Variants in OR56A3 observed in about 807,000 individuals in gnomAD.
OR56A3 encodes the protein olfactory receptor 56A3.
OR56A3 carries 23 observed loss-of-function variants against 17.5 expected under a neutral mutation model. That is an observed-to-expected ratio of 1.32 (90% CI 0.95 to 1.87). OR56A3 has a LOEUF of 1.87. Ranked by LOEUF, OR56A3 falls within the 40% of genes most tolerant of loss-of-function variation. OR56A3 has a pLI of 0.00. For synonymous variants in OR56A3, 175 were observed against 150.6 expected, an observed-to-expected ratio of 1.16 and a Z score of -1.19; for missense variants, 366 against 380.1, an observed-to-expected ratio of 0.96 and a Z score of 0.31.
rs576459428 is a variant in OR56A3, at chr11:5,947,742, C to T, written c.396C>T (p.His132=). The T allele has an allele frequency of 1.1e-5, 18 of 1,614,196 alleles. No individual in the cohort carries two copies. The African/African-American group carries it at 2.1e-4, about 19-fold the overall frequency. ...ATGATCGTTATGTAGCCATCTGCCA[C>T]CCACTGAGATATCCATCAATCATCA... ...MAYDRYVAIC[H]PLRYPSIITD... is the part of the protein sequence containing the mutation. Residue 132 remains histidine, a synonymous_variant, in exon 3 of 3, where the codon CAC becomes CAT. Coordinates refer to ENST00000641160, the MANE Select transcript of OR56A3 (RefSeq NM_001003443.3).
chr11:5,972,647 T>C, the OR56A3 span, among the ~76,000 whole-genome samples: 2 of 152,236 alleles, frequency 1.3e-5, no homozygotes, highest in African/African-American at 4.8e-5. Context: ...ACCCAGCAGC[T>C]AAGTTAAAGG....
chr11:6,002,264 C>A, the OR56A3 span: 4 of 1,614,130 alleles, frequency 2.5e-6, no homozygotes, highest in East Asian at 2.2e-5. Context: ...GGGAACCACA[C>A]GTGCTCAAGG....
chr11:6,016,704 A>G, the OR56A3 span, among the ~76,000 whole-genome samples: 1 of 152,072 alleles, frequency 6.6e-6, no homozygotes, highest in Non-Finnish European at 1.5e-5. Flanking sequence ...AGAATTTCAA[A>G]TAATATTATT....
chr11:6,018,285 T>C, the OR56A3 span, among the ~76,000 whole-genome samples: 4 of 152,204 alleles, frequency 2.6e-5, no homozygotes, highest in East Asian at 7.7e-4. Context: ...GAATATACAT[T>C]CATCTCATCA....
At chr11:6,019,797 G>A in the OR56A3 span, 1 of 152,082 alleles carries the variant, frequency 6.6e-6, no homozygotes, top group African/African-American at 2.4e-5. Flanking sequence ...AAAAGTGAAT[G>A]TCAGAAGGCT....
chr11:5,993,977 G>A, the OR56A3 span: 1 of 447,104 alleles, frequency 2.2e-6, no homozygotes, highest in African/African-American at 2.0e-5. Flanking sequence ...GTTGGGGGCT[G>A]TCCAAGGCAA....
the OR56A3 span, among the ~76,000 whole-genome samples, chr11:6,016,311 C>A: frequency 1.3e-5 from 2 of 152,230 alleles, no homozygotes; most frequent in East Asian, 1.9e-4. Flanking sequence ...GCCTGAGGAA[C>A]CATGAGCCAA....
intron 2 of OR56A3, among the ~76,000 whole-genome samples, 176 bp downstream of exon 2, chr11:5,945,258 G>A (rs1219299143): frequency 6.6e-6 from 1 of 152,054 alleles, no homozygotes; most frequent in African/African-American, 2.4e-5. Context: ...GGATCAGTGG[G>A]GCAAATACGT....
the OR56A3 span, among the ~76,000 whole-genome samples, chr11:5,987,170 C>CT: frequency 6.6e-6 from 1 of 152,164 alleles, no homozygotes; most frequent in Non-Finnish European, 1.5e-5. Context: ...TGCTTAAACT[C>CT]TACTATTCAG....
chr11:5,947,000 T>C (rs1454638567), intron 2 of OR56A3, among the ~76,000 whole-genome samples: 2 of 152,198 alleles, frequency 1.3e-5, no homozygotes, highest in African/African-American at 4.8e-5. Flanking sequence ...GGTAGAAATT[T>C]AGAGTCTCAC....
chr11:5,999,795 T>G, the OR56A3 span: 1 of 152,204 alleles, frequency 6.6e-6, no homozygotes, highest in African/African-American at 2.4e-5. Flanking sequence ...CATGCAGAAT[T>G]TTAAAGATGA....
the OR56A3 span, among the ~76,000 whole-genome samples, chr11:5,981,182 G>T: frequency 6.6e-6 from 1 of 152,248 alleles, no homozygotes; most frequent in Non-Finnish European, 1.5e-5. Context: ...GGGGTTCTCT[G>T]CATTTCCTGA....
At chr11:6,007,299 G>A in the OR56A3 span, among the ~76,000 whole-genome samples, 15 of 152,200 alleles carry the variant, frequency 9.9e-5, no homozygotes, top group Non-Finnish European at 4.4e-5. Flanking sequence ...TTACCAAGGG[G>A]CAGGGAGAGA....
chr11:6,018,890 T>G, the OR56A3 span, among the ~76,000 whole-genome samples: 2 of 151,942 alleles, frequency 1.3e-5, no homozygotes, highest in East Asian at 3.8e-4. Context: ...CAGTGACTAT[T>G]GGGAACTATA....
At chr11:5,997,984 G>A in the OR56A3 span, among the ~76,000 whole-genome samples, 52 of 152,266 alleles carry the variant, frequency 3.4e-4, no homozygotes, top group East Asian at 5.8e-3. Context: ...CCAAATGTGT[G>A]TGACAGTGAA....
chr11:5,973,542 C>T, the OR56A3 span, among the ~76,000 whole-genome samples: 16 of 152,098 alleles, frequency 1.1e-4, no homozygotes, highest in Admixed American at 5.9e-4. Flanking sequence ...GATGATTATT[C>T]CTGCCATAGT....
At chr11:5,993,617 A>G in the OR56A3 span, among the ~76,000 whole-genome samples, 1 of 152,226 alleles carries the variant, frequency 6.6e-6, no homozygotes, top group Admixed American at 6.5e-5. Flanking sequence ...TTTGCCTAAT[A>G]TAACTTTCCC....
chr11:6,002,330 A>G, the OR56A3 span: 2 of 1,614,194 alleles, frequency 1.2e-6, no homozygotes, highest in Admixed American at 1.7e-5. Flanking sequence ...ATATAAAAGA[A>G]TAGGAGATAA....
At chr11:5,988,765 T>C in the OR56A3 span, among the ~76,000 whole-genome samples, 1 of 152,242 alleles carries the variant, frequency 6.6e-6, no homozygotes, top group Admixed American at 6.5e-5. Context: ...AACCGCATGT[T>C]AACATGAAGT....
Sources: gnomAD v4.1 joint callset for allele counts (sites outside exome capture counted in the v4.1 genomes callset) on GRCh38, gnomAD v4.1.1 for gene constraint, MANE v1.5 for transcripts, NCBI Gene and HGNC (gene_info 2026-07-23, HGNC 2026-07-21) for gene names.